Variants in NR5A2 observed in about 807,000 individuals in gnomAD.
The protein encoded by NR5A2 is nuclear receptor subfamily 5 group A member 2, also known as CYP7A promoter-binding factor.
A neutral mutation model predicts 62.7 loss-of-function variants in NR5A2; 26 were observed. The observed-to-expected ratio is 0.41, with a 90% CI of 0.30 to 0.58. The LOEUF is 0.58. Ranked by LOEUF, NR5A2 falls within the 20% of genes least tolerant of loss-of-function variation. The pLI, the probability that NR5A2 is intolerant of heterozygous loss-of-function variation, is 0.22. For synonymous variants in NR5A2, 246 were observed against 241.7 expected (o/e 1.02, Z -0.16); for missense variants, 541 against 669.1 (o/e 0.81, Z 2.11).
chr1:200,037,447 T>C (rs927014009), intron 1 of NR5A2, among the ~76,000 whole-genome samples: 1 of 152,306 alleles, frequency 6.6e-6, no homozygotes, highest in South Asian at 2.1e-4. Flanking sequence ...AGTGCACCCA[T>C]AAATTCTTCG....
intron 5 of NR5A2, among the ~76,000 whole-genome samples, chr1:200,066,971 A>C (rs1663513026): frequency 6.6e-6 from 1 of 152,192 alleles, no homozygotes; most frequent in Non-Finnish European, 1.5e-5. Context: ...TTCCCTGTGG[A>C]CCTGTCAATA....
intron 7 of NR5A2, among the ~76,000 whole-genome samples, chr1:200,140,584 T>C (rs1412862458): frequency 6.6e-6 from 1 of 152,234 alleles, no homozygotes; most frequent in East Asian, 1.9e-4. Flanking sequence ...ATTTGGCTTT[T>C]CTTTAATCTA....
chr1:200,084,512 G>A (rs1449136134), intron 5 of NR5A2, among the ~76,000 whole-genome samples: 2 of 151,776 alleles, frequency 1.3e-5, no homozygotes, highest in Non-Finnish European at 2.9e-5. Context: ...CACAGAGAAG[G>A]GTGTAAATCA....
chr1:200,156,433 T>C (rs955331068), intron 7 of NR5A2, among the ~76,000 whole-genome samples: 1 of 152,240 alleles, frequency 6.6e-6, no homozygotes, highest in Non-Finnish European at 1.5e-5. Flanking sequence ...AGTCTCACTC[T>C]GTCACCCAGG....
intron 5 of NR5A2, among the ~76,000 whole-genome samples, chr1:200,096,009 C>G (rs551717127): frequency 6.6e-6 from 1 of 152,166 alleles, no homozygotes; most frequent in Non-Finnish European, 1.5e-5. Context: ...ATGTGACAGA[C>G]TAATTTTGAA....
chr1:200,077,239 AG>A (rs1664083076), intron 5 of NR5A2, among the ~76,000 whole-genome samples: 2 of 152,374 alleles, frequency 1.3e-5, no homozygotes, highest in South Asian at 4.1e-4. Flanking sequence ...AATTATTTTA[AG>A]GGTCATACAA....
At position 200,048,885 on chromosome 1, in the gene NR5A2, A is replaced by T; in HGVS notation, c.1110+67A>T. On this transcript the variant is annotated intron_variant, in intron 5 of 7. Transcript: ENST00000367362. The surrounding 1 kb of genome is among the most constrained non-coding windows in gnomAD (Gnocchi z 4.8). Reference sequence around the variant, plus strand: ...AGAGACCTAACTATGTTCCTAATTAATACATTCTTGGTGCTGAAAATATGT... The same window carrying T: ...AGAGACCTAACTATGTTCCTAATTATTACATTCTTGGTGCTGAAAATATGT... The T allele has an allele frequency of 6.5e-7, 1 of 1,542,750 alleles. No homozygotes were observed. The highest frequency in any genetic ancestry group is 1.2e-5 in the South Asian group (1 of 84,502).
At chr1:200,038,881 T>G (rs1661909774) in intron 1 of NR5A2, 1 of 618,484 alleles carries the variant, frequency 1.6e-6, no homozygotes, top group East Asian at 9.6e-5. Flanking sequence ...AGCCTGAGCC[T>G]CATCCTTATT....
chr1:200,133,050 C>T lies in NR5A2; in HGVS notation c.1378+12095C>T, dbSNP rs114759727. 4.0e-3 allele frequency among the ~76,000 whole-genome samples: 609 copies of T among 152,278 alleles called. 5 individuals are homozygous for T. Among genetic ancestry groups the T allele is most frequent in the African/African-American group, 0.014 (566 of 41,534 alleles). ...GGATTTGAACTGAAATTTTTGAACT[C>T]CACACGCAGGAAAAGAGCACAGATA... On this transcript the variant is annotated intron_variant, in intron 7 of 7. Transcript: ENST00000367362.
intron 6 of NR5A2, among the ~76,000 whole-genome samples, chr1:200,115,345 C>T (rs1210974213): frequency 6.6e-6 from 1 of 152,038 alleles, no homozygotes; most frequent in Non-Finnish European, 1.5e-5. Flanking sequence ...GACATATTGA[C>T]CTGCTATCAT....
intron 5 of NR5A2, among the ~76,000 whole-genome samples, chr1:200,075,996 A>G (rs1664016945): frequency 6.6e-6 from 1 of 152,168 alleles, no homozygotes; most frequent in Non-Finnish European, 1.5e-5. Context: ...GCTAAACTCA[A>G]TAACATCTTT....
At chr1:200,129,483 A>T (rs1345018016) in intron 7 of NR5A2, among the ~76,000 whole-genome samples, 2 of 152,186 alleles carry the variant, frequency 1.3e-5, no homozygotes, top group African/African-American at 2.4e-5. Context: ...GTTTTTCTTT[A>T]AAAGAGGACC....
At chr1:200,129,620 C>T (rs982749699) in intron 7 of NR5A2, among the ~76,000 whole-genome samples, 5 of 152,234 alleles carry the variant, frequency 3.3e-5, no homozygotes, top group Non-Finnish European at 5.9e-5. Flanking sequence ...TTGTTTGCTA[C>T]CCCTGGCAAG....
At chr1:200,157,220 G>A (rs569425523) in intron 7 of NR5A2, among the ~76,000 whole-genome samples, 18 of 152,304 alleles carry the variant, frequency 1.2e-4, no homozygotes, top group South Asian at 6.2e-4. Context: ...TAATTTCAAT[G>A]TCTTATGGCC....
In NR5A2 at chr1:200,074,847, A is replaced by T. The variant is rs1013345885; in HGVS notation, c.1110+26029A>T. Among the ~76,000 whole-genome samples the T allele has an allele frequency of 2.7e-5, 4 of 150,598 alleles. No homozygotes were observed. In the South Asian group the frequency reaches 8.4e-4, roughly 32 times the overall value. On this transcript the variant is annotated intron_variant, in intron 5 of 7. Coordinates refer to ENST00000367362, the MANE Select transcript of NR5A2 (RefSeq NM_205860.3). The stretch of plus-strand genomic sequence containing the variant: ...AAAAAAAAAACTTCTCCAAATATGG[A>T]TATATTTTCCCATAAGTAGTCATGA...
chr1:200,047,450 T>C (rs1662419508), intron 4 of NR5A2, among the ~76,000 whole-genome samples: 1 of 152,146 alleles, frequency 6.6e-6, no homozygotes, highest in African/African-American at 2.4e-5. Context: ...CAAAATTGGG[T>C]AACTCAGTTC....
intron 7 of NR5A2, among the ~76,000 whole-genome samples, chr1:200,161,050 C>T (rs1653618117): frequency 6.6e-6 from 1 of 151,728 alleles, no homozygotes; most frequent in Admixed American, 6.6e-5. Flanking sequence ...TGGATGTTTC[C>T]TATGCTTTGG....
At position 200,176,776 on chromosome 1, in the gene NR5A2, T is replaced by G. The variant is rs1654440433; in HGVS notation, c.*2566T>G. The G allele has an allele frequency of 6.6e-6, 1 of 152,178 alleles. No individual in the cohort carries two copies. The highest frequency in any genetic ancestry group is 2.4e-5 in the African/African-American group (1 of 41,434). The allele number at this position is 152,178 out of a possible 1,614,324, so 9.4% of individuals were successfully genotyped here. On this transcript the variant is annotated 3_prime_UTR_variant, in exon 8 of 8. Coordinates refer to ENST00000367362, the MANE Select transcript of NR5A2 (RefSeq NM_205860.3). ...CCTCAGCCTCCCCCATAGCTGGGAC[T>G]AGGGGTGCATGCCAGCATACCTGGC...
At chr1:200,038,750 A>T (rs370342779) in intron 1 of NR5A2, 183 of 1,365,170 alleles carry the variant, frequency 1.3e-4, no homozygotes, top group Non-Finnish European at 1.7e-4. Flanking sequence ...CCACGCTCAG[A>T]CAGAGGTCGC....
Sources: allele counts gnomAD v4.1 joint callset (sites outside exome capture counted in the v4.1 genomes callset), GRCh38; gene constraint gnomAD v4.1.1; non-coding constraint Gnocchi (gnomAD v3.1); transcripts MANE v1.5; gene names NCBI Gene and HGNC (gene_info 2026-07-23, HGNC 2026-07-21).